The following TAB2 variants were observed in gnomAD, a reference collection of about 807,000 sequenced individuals.
TAB2 encodes the protein TGF-beta activated kinase 1 (MAP3K7) binding protein 2.
In TAB2, 3 loss-of-function variants were observed where a neutral mutation model predicts 65.0. The observed-to-expected ratio is 0.05, with a 90% CI of 0.02 to 0.12. The LOEUF (loss-of-function observed/expected upper bound fraction) is 0.12, where lower values mean the gene tolerates loss of function less well. Among genes scored for constraint, TAB2 ranks in the 10% least tolerant of loss-of-function variants. The pLI, the probability that TAB2 is intolerant of heterozygous loss-of-function variation, is 1.00. For missense variants in TAB2, 623 were observed against 840.3 expected (o/e 0.74, Z 3.20); for synonymous variants, 298 against 285.1 (o/e 1.05, Z -0.46).
intron 1 of TAB2, among the ~76,000 whole-genome samples, chr6:149,226,082 C>T (rs1777268261): frequency 6.6e-6 from 1 of 152,148 alleles, no homozygotes; most frequent in Admixed American, 6.5e-5. Flanking sequence ...AAGTACACAA[C>T]AGCCACCACC....
At chr6:149,365,481 G>C (rs1048422085) in intron 1 of TAB2, among the ~76,000 whole-genome samples, 1 of 151,882 alleles carries the variant, frequency 6.6e-6, no homozygotes, top group Admixed American at 6.6e-5. Context: ...GTCTTCTGAT[G>C]CCTCCATTGT....
chr6:149,253,875 T>C (rs1275687964), intron 1 of TAB2, among the ~76,000 whole-genome samples: 1 of 147,334 alleles, frequency 6.8e-6, no homozygotes, highest in East Asian at 2.0e-4. Context: ...TGAGCCAAGA[T>C]TGCACCACTG....
chr6:149,275,520 G>A (rs1778455819), intron 1 of TAB2, among the ~76,000 whole-genome samples: 1 of 152,182 alleles, frequency 6.6e-6, no homozygotes, highest in South Asian at 2.1e-4. Flanking sequence ...TTATCATGCA[G>A]AATAATTCCA....
chr6:149,409,528 TAG>T, intron 6 of TAB2, 47 bp from the exon 7 acceptor site: 2 of 1,567,690 alleles, frequency 1.3e-6, no homozygotes, highest in Non-Finnish European at 1.8e-6. Context: ...TGTAATTTTT[TAG>T]ACTTTGTGAT....
intron 3 of TAB2, among the ~76,000 whole-genome samples, chr6:149,385,259 A>G (rs1781751562): frequency 6.6e-6 from 1 of 152,254 alleles, no homozygotes; most frequent in South Asian, 2.1e-4. Context: ...CTTCAAAAGG[A>G]AATATAATTT....
intron 1 of TAB2, among the ~76,000 whole-genome samples, chr6:149,275,549 T>C (rs1778456053): frequency 6.6e-6 from 1 of 152,240 alleles, no homozygotes; most frequent in East Asian, 1.9e-4. Context: ...ATGTAGATTC[T>C]TCCCCAAGAA....
chr6:149,390,160 C>T (rs1781935880), intron 3 of TAB2, among the ~76,000 whole-genome samples: 1 of 152,122 alleles, frequency 6.6e-6, no homozygotes, highest in Non-Finnish European at 1.5e-5. Flanking sequence ...GATGTGATTC[C>T]TGTTGTCAAC....
In TAB2 at chr6:149,240,029, A is replaced by C. The variant is rs531314634; in HGVS notation, c.-121+21253A>C. On this transcript the variant is annotated intron_variant, in intron 1 of 1. Transcript: ENST00000606202. ...GAGCTATGGACAGCCCTGGGATTGA[A>C]AGTAGCAGAAAGCAGCAGCAGGAGT... 4.4e-5 allele frequency among the ~76,000 whole-genome samples: 6 copies of C among 136,538 alleles called. No homozygotes were observed. In the Admixed American group the frequency reaches 4.7e-4, roughly 11 times the overall value. The allele number at this position is 136,538 out of a possible 152,430, so 89.6% of individuals were successfully genotyped here. A position where few individuals can be genotyped will look rare whatever the true frequency, so the allele number is the denominator to read the frequency against.
intron 1 of TAB2, among the ~76,000 whole-genome samples, chr6:149,352,648 C>T (rs1318920182): frequency 2.6e-5 from 4 of 152,272 alleles, no homozygotes; most frequent in African/African-American, 9.6e-5. Context: ...AGTCCCTTCC[C>T]TGCCTTTCAT....
chr6:149,382,506 G>C (rs1207194136), intron 3 of TAB2, among the ~76,000 whole-genome samples: 2 of 152,032 alleles, frequency 1.3e-5, no homozygotes, highest in Non-Finnish European at 2.9e-5. Flanking sequence ...TGAGGCAGGA[G>C]AATCGCTTGA....
At chr6:149,389,724 AT>A (rs1249420556) in intron 3 of TAB2, among the ~76,000 whole-genome samples, 2 of 151,346 alleles carry the variant, frequency 1.3e-5, no homozygotes, top group Admixed American at 6.6e-5. Context: ...CATCCAAGTT[AT>A]ATTGTTTTGA....
intron 1 of TAB2, among the ~76,000 whole-genome samples, chr6:149,230,747 G>A (rs1460975143): frequency 6.6e-6 from 1 of 152,186 alleles, no homozygotes; most frequent in Non-Finnish European, 1.5e-5. Context: ...GCCCTACAAG[G>A]CCGTAAGGAT....
intron 1 of TAB2, among the ~76,000 whole-genome samples, chr6:149,282,198 G>C (rs77666047): frequency 0.04 from 6,116 of 152,034 alleles, 151 homozygotes; most frequent in Non-Finnish European, 0.046. Context: ...TGATAAAGTT[G>C]TCAATTCATC....
At chr6:149,265,257 G>A (rs939503299) in intron 1 of TAB2, among the ~76,000 whole-genome samples, 11 of 150,490 alleles carry the variant, frequency 7.3e-5, no homozygotes, top group African/African-American at 2.2e-4. Context: ...CTCTAATGGC[G>A]AAGACCCTAC....
chr6:149,366,773 G>A (rs1475868694), intron 1 of TAB2, among the ~76,000 whole-genome samples: 2 of 152,114 alleles, frequency 1.3e-5, no homozygotes. Flanking sequence ...TTGTACAATT[G>A]AAGAATGTTA....
intron 2 of TAB2, among the ~76,000 whole-genome samples, chr6:149,373,002 C>G (rs1781281244): frequency 6.6e-6 from 1 of 152,092 alleles, no homozygotes; most frequent in Non-Finnish European, 1.5e-5. Flanking sequence ...TGTACCTGTT[C>G]TTTTTAAACA....
intron 1 of TAB2, among the ~76,000 whole-genome samples, chr6:149,256,473 A>G (rs1044689892): frequency 6.6e-6 from 1 of 152,210 alleles, no homozygotes; most frequent in Non-Finnish European, 1.5e-5. Flanking sequence ...ACTTAACACA[A>G]ATGTTCTCCC....
chr6:149,391,247 A>G (rs1246565299), intron 3 of TAB2, among the ~76,000 whole-genome samples: 1 of 152,032 alleles, frequency 6.6e-6, no homozygotes, highest in Non-Finnish European at 1.5e-5. Flanking sequence ...TATGTAATCT[A>G]CTTTTTTTTC....
At chr6:149,253,942 GAGAAAGAAAGAAAGAAAAAGAAAGAA>G (rs1777917958) in intron 1 of TAB2, among the ~76,000 whole-genome samples, 1 of 59,116 alleles carries the variant, frequency 1.7e-5, no homozygotes. Flanking sequence ...AAGAAAGAAA[GAGAAAGAAAGAAAGAAAAAGAAAGAA>G]AGAAAGAAAG....
Sources: allele counts gnomAD v4.1 joint callset (sites outside exome capture counted in the v4.1 genomes callset), GRCh38; gene constraint gnomAD v4.1.1; transcripts MANE v1.5; gene names NCBI Gene and HGNC (gene_info 2026-07-23, HGNC 2026-07-21).